SYT10: variants seen among roughly 807,000 people sequenced by gnomAD.
SYT10 encodes synaptotagmin-10.
In SYT10, 31 loss-of-function variants were observed where a neutral mutation model predicts 51.1. The observed-to-expected ratio is 0.61, with a 90% CI of 0.46 to 0.82. The LOEUF (loss-of-function observed/expected upper bound fraction) is 0.82, where lower values mean the gene tolerates loss of function less well. Ranked by LOEUF, SYT10 falls within the 40% of genes least tolerant of loss-of-function variation. The pLI, the probability that SYT10 is intolerant of heterozygous loss-of-function variation, is 0.00. For synonymous variants in SYT10, 233 were observed against 225.9 expected (o/e 1.03, Z -0.28); for missense variants, 603 against 634.0 (o/e 0.95, Z 0.53).
intron 2 of SYT10, chr12:33,424,016 T>TA: frequency 2.2e-6 from 1 of 455,846 alleles, no homozygotes; most frequent in South Asian, 1.6e-5. Context: ...ACCACTCATA[T>TA]AAACAATGAA....
chr12:33,393,789 T>G (rs1192476235), intron 3 of SYT10, among the ~76,000 whole-genome samples: 1 of 152,172 alleles, frequency 6.6e-6, no homozygotes, highest in Non-Finnish European at 1.5e-5. Flanking sequence ...ATCTGAGCAC[T>G]CTATCTAGGG....
chr12:33,416,715 G>A (rs1207995614), intron 2 of SYT10, among the ~76,000 whole-genome samples: 1 of 152,038 alleles, frequency 6.6e-6, no homozygotes, highest in Non-Finnish European at 1.5e-5. Flanking sequence ...ACAATTTCAG[G>A]CATGCTTCCC....
chr12:33,394,173 T>C (rs1747779149), intron 3 of SYT10, among the ~76,000 whole-genome samples: 1 of 152,212 alleles, frequency 6.6e-6, no homozygotes, highest in Non-Finnish European at 1.5e-5. Flanking sequence ...AGCTTCCTTT[T>C]ACTTACCATG....
chr12:33,386,999 G>T (rs1320796618), intron 3 of SYT10, among the ~76,000 whole-genome samples: 1 of 152,198 alleles, frequency 6.6e-6, no homozygotes, highest in Non-Finnish European at 1.5e-5. Context: ...AATTTAGGAT[G>T]CTCCTTAAAG....
intron 6 of SYT10, among the ~76,000 whole-genome samples, chr12:33,379,549 CAAAAAAAAAAA>C (rs71068377): frequency 2.7e-4 from 6 of 22,058 alleles, no homozygotes; most frequent in Admixed American, 1.0e-3. Flanking sequence ...TCAGGCTATG[CAAAAAAAAAAA>C]AAAAAAAAAA....
Position 33,420,344 on chromosome 12 carries a change from A to G in SYT10, c.509+5794T>C, listed in dbSNP as rs189394367. On this transcript the variant is annotated intron_variant, in intron 2 of 6. Transcript: ENST00000228567. ...GTTTGTATGAAAATAATTTACCCTAAGATTCCTGTGACTAATAAAATCAAA... is the reference window on the plus strand; with the variant it reads ...GTTTGTATGAAAATAATTTACCCTAGGATTCCTGTGACTAATAAAATCAAA... 1.2e-4 allele frequency among the ~76,000 whole-genome samples: 18 copies of G among 152,272 alleles called. No individual in the cohort carries two copies. In the East Asian group the frequency reaches 2.7e-3, roughly 23 times the overall value.
In SYT10 at chr12:33,438,329, C is replaced by T. The variant is rs113518105; in HGVS notation, c.151+1043G>A. Among the ~76,000 whole-genome samples the T allele has an allele frequency of 7.4e-3, 1,121 of 152,284 alleles. 5 individuals are homozygous for T. Among genetic ancestry groups the T allele is most frequent in the Middle Eastern group, 0.048 (14 of 294 alleles). ...AGAGAAGGAATGGCAACCTTCCAGTCGAAAATCCCCAAAGCAGTGTTTTTT... is the reference window on the plus strand; with the variant it reads ...AGAGAAGGAATGGCAACCTTCCAGTTGAAAATCCCCAAAGCAGTGTTTTTT... On this transcript the variant is annotated intron_variant, in intron 1 of 6. Coordinates refer to ENST00000228567, the MANE Select transcript of SYT10 (RefSeq NM_198992.4).
chr12:33,398,309 C>T (rs530746396), intron 3 of SYT10, among the ~76,000 whole-genome samples: 3 of 151,932 alleles, frequency 2.0e-5, no homozygotes, highest in East Asian at 1.9e-4. Context: ...GTCAGGAGAT[C>T]GAGACCATCC....
At position 33,386,051 on chromosome 12, in the gene SYT10, T is replaced by G. The variant is rs145591800; in HGVS notation, c.1078-760A>C. On this transcript the variant is annotated intron_variant, in intron 3 of 6. Coordinates refer to ENST00000228567, the MANE Select transcript of SYT10 (RefSeq NM_198992.4). ...TCCACATTTGTTTTTTGAAACAGAG[T>G]CTCGCTCTGTTGCCCAGGCTGGAGT... 6.0e-3 allele frequency among the ~76,000 whole-genome samples: 917 copies of G among 152,230 alleles called. 4 individuals are homozygous for G. The highest frequency in any genetic ancestry group is 0.021 in the African/African-American group (875 of 41,532).
intron 4 of SYT10, 34 bp downstream of exon 4, chr12:33,385,137 T>C (rs1337586752): frequency 6.2e-7 from 1 of 1,604,994 alleles, no homozygotes; most frequent in African/African-American, 1.3e-5. Context: ...CATTTGAGAT[T>C]GTGCCCTTGG....
At chr12:33,378,111 GAC>G (rs1420848500) in intron 6 of SYT10, among the ~76,000 whole-genome samples, 10 of 152,218 alleles carry the variant, frequency 6.6e-5, no homozygotes, top group African/African-American at 2.2e-4. Flanking sequence ...TATTCTGTTT[GAC>G]TAGTGAATGT....
chr12:33,377,540 C>A (rs2138377875), intron 6 of SYT10, among the ~76,000 whole-genome samples: 1 of 152,200 alleles, frequency 6.6e-6, no homozygotes, highest in Admixed American at 6.5e-5. Context: ...TCTCACAATC[C>A]TTAAATGCCT....
At chr12:33,402,252 G>T (rs1866313242) in intron 3 of SYT10, among the ~76,000 whole-genome samples, 1 of 152,120 alleles carries the variant, frequency 6.6e-6, no homozygotes. Context: ...ATAACATTCT[G>T]GTTTGGGTTC....
intron 1 of SYT10, among the ~76,000 whole-genome samples, chr12:33,435,453 T>C (rs11052705): frequency 0.72 from 109,068 of 152,080 alleles, 40,807 homozygotes; most frequent in East Asian, 0.95. Flanking sequence ...ATAGTAGAAG[T>C]TGGCCACTCT....
chr12:33,394,301 T>C (rs79344184), intron 3 of SYT10, among the ~76,000 whole-genome samples: 3,769 of 152,334 alleles, frequency 0.025, 170 homozygotes, highest in African/African-American at 0.086. Context: ...CTTAATGCAA[T>C]ATGTATCATG....
At chr12:33,428,855 G>T (rs547514045) in intron 1 of SYT10, among the ~76,000 whole-genome samples, 1 of 150,818 alleles carries the variant, frequency 6.6e-6, no homozygotes. Flanking sequence ...GCAGTGAGCC[G>T]AGGTTGCGCC....
chr12:33,382,235 C>T, intron 5 of SYT10, 114 bp downstream of exon 5: 1 of 987,404 alleles, frequency 1.0e-6, no homozygotes, highest in Non-Finnish European at 1.4e-6. Context: ...AATCATTATT[C>T]CCTCCTCCAA....
rs560507294 is a variant in SYT10 at position 33,436,726 on chromosome 12, A to G, written c.151+2646T>C. On this transcript the variant is annotated intron_variant, in intron 1 of 6. Transcript: ENST00000228567. ...TTCATGTAGAATGATTTTAACTGGAATTACCTGAATTTCTCTCCCACTATC... is the reference window on the plus strand; with the variant it reads ...TTCATGTAGAATGATTTTAACTGGAGTTACCTGAATTTCTCTCCCACTATC... Among the ~76,000 whole-genome samples the G allele has an allele frequency of 2.0e-4, 30 of 152,332 alleles. No homozygotes were observed. The South Asian group carries it at 5.6e-3, about 28-fold the overall frequency.
At chr12:33,388,707 T>A (rs1866178737) in intron 3 of SYT10, among the ~76,000 whole-genome samples, 1 of 152,216 alleles carries the variant, frequency 6.6e-6, no homozygotes, top group South Asian at 2.1e-4. Context: ...GCTCAGAGGT[T>A]ATAAATTTGA....
Sources: gnomAD v4.1 joint callset for allele counts (sites outside exome capture counted in the v4.1 genomes callset) on GRCh38, gnomAD v4.1.1 for gene constraint, MANE v1.5 for transcripts, NCBI Gene and HGNC (gene_info 2026-07-23, HGNC 2026-07-21) for gene names.